ARPP21: variants seen among roughly 807,000 people sequenced by gnomAD.
ARPP21 encodes the protein cAMP regulated phosphoprotein 21, also known as cAMP-regulated phosphoprotein 21.
ARPP21 carries 69 observed loss-of-function variants against 113.2 expected under a neutral mutation model. That is an observed-to-expected ratio of 0.61 (90% confidence interval 0.50 to 0.74). The LOEUF is 0.74. Among genes scored for constraint, ARPP21 ranks in the 30% least tolerant of loss-of-function variants. The probability of loss-of-function intolerance (pLI) is 0.00; values close to 1 mark genes in which losing one functional copy is unlikely to be tolerated. For missense variants in ARPP21, 1,070 were observed against 1,037.4 expected, an observed-to-expected ratio of 1.03 and a Z score of -0.43; for synonymous variants, 368 against 375.5, an observed-to-expected ratio of 0.98 and a Z score of 0.23.
chr3:35,775,369 G>A (rs1260770553), intron 19 of ARPP21, among the ~76,000 whole-genome samples: 1 of 152,142 alleles, frequency 6.6e-6, no homozygotes, highest in Non-Finnish European at 1.5e-5. Flanking sequence ...CTTTCACTGT[G>A]TTTATAAAAA....
At chr3:35,676,435 A>G (rs1394376217) in intron 1 of ARPP21, among the ~76,000 whole-genome samples, 1 of 152,076 alleles carries the variant, frequency 6.6e-6, no homozygotes, top group East Asian at 1.9e-4. Flanking sequence ...GATGTTCATT[A>G]AAACATTTAT....
chr3:35,768,517 A>T (rs192401789), intron 19 of ARPP21, among the ~76,000 whole-genome samples: 5 of 152,326 alleles, frequency 3.3e-5, no homozygotes, highest in African/African-American at 1.2e-4. Flanking sequence ...CCGATATTTG[A>T]TTTATGATAG....
At chr3:35,665,960 T>C (rs1361377701) in intron 1 of ARPP21, among the ~76,000 whole-genome samples, 1 of 152,110 alleles carries the variant, frequency 6.6e-6, no homozygotes, top group Non-Finnish European at 1.5e-5. Context: ...AACACCCAGA[T>C]CATTGCTCAC....
rs1452243363 is a variant in ARPP21 at position 35,681,854 on chromosome 3, G to A, written c.103G>A (p.Asp35Asn). The change falls in exon 3 of 21, where the codon GAT becomes AAT. Residue 35 changes from aspartate (D) to asparagine (N), a missense_variant. Coordinates refer to ENST00000684406, the MANE Select transcript of ARPP21 (RefSeq NM_001385562.1). ...CGGCATTGTTAAATCAGAAAGTCTGGATGAAGAGGAGAAACTGGAACTGCA... is the reference window on the plus strand; with the variant it reads ...CGGCATTGTTAAATCAGAAAGTCTGAATGAAGAGGAGAAACTGGAACTGCA... Reference protein sequence around the residue: ...ENGIVKSESLDEEEKLELQRR... With the variant: ...ENGIVKSESLNEEEKLELQRR... 6.2e-7 allele frequency: 1 copy of A among 1,612,068 alleles called. No individual in the cohort carries two copies. The highest frequency in any genetic ancestry group is 8.5e-7 in the Non-Finnish European group (1 of 1,178,736).
At chr3:35,715,550 A>G in intron 12 of ARPP21, 74 bp downstream of exon 12, 4 of 1,161,258 alleles carry the variant, frequency 3.4e-6, no homozygotes, top group Non-Finnish European at 2.6e-6. Context: ...ATTCATAAAT[A>G]TATATCCCAT....
intron 9 of ARPP21, among the ~76,000 whole-genome samples, chr3:35,698,015 A>T (rs1221206551): frequency 2.6e-5 from 4 of 151,548 alleles, no homozygotes; most frequent in African/African-American, 9.7e-5. Context: ...AAACATGGTA[A>T]ATTTACTCTG....
At position 35,729,427 on chromosome 3, in the gene ARPP21, G is replaced by C. The variant is rs544552101; in HGVS notation, c.1350G>C (p.Glu450Asp). The C allele has an allele frequency of 5.9e-5, 96 of 1,614,138 alleles. No individual in the cohort carries two copies. In the Middle Eastern group the frequency reaches 1.3e-3, roughly 22 times the overall value. Residue 450 changes from glutamate (E) to aspartate (D), a missense_variant, in exon 15 of 21, where the codon GAG becomes GAC. By Grantham distance (45) the Glu-to-Asp change is conservative (BLOSUM62 2). Coordinates refer to ENST00000684406, the MANE Select transcript of ARPP21 (RefSeq NM_001385562.1). ...CTCCAGGCTGTGTGCCTTATCCAGAGAATGGAATAGGGGGCCAGGTTGCTC... is the reference window on the plus strand; with the variant it reads ...CTCCAGGCTGTGTGCCTTATCCAGACAATGGAATAGGGGGCCAGGTTGCTC... ...AGSPGCVPYP[E>D]NGIGGQVAPS... is the part of the protein sequence containing the mutation.
At position 35,667,150 on chromosome 3, in the gene ARPP21, C is replaced by T. The variant is rs561737881; in HGVS notation, c.-212-12637C>T. ...ACTCTTTAAGGGCTAGTCCTATTAT[C>T]CTACATTCTTTAATCAAAATACTGT... On this transcript the variant is annotated intron_variant, in intron 1 of 20. Transcript: ENST00000684406. Among the ~76,000 whole-genome samples, 5 of 152,282 alleles carry T rather than the reference C, an allele frequency of 3.3e-5. No individual in the cohort carries two copies. In the South Asian group the frequency reaches 1.0e-3, roughly 32 times the overall value.
intron 5 of ARPP21, chr3:35,685,483 C>T: frequency 1.0e-6 from 1 of 985,216 alleles, no homozygotes; most frequent in Non-Finnish European, 1.2e-6. Context: ...AGTTTATATG[C>T]AATGCCTTCA....
intron 14 of ARPP21, among the ~76,000 whole-genome samples, chr3:35,726,739 C>T (rs1337854908): frequency 6.6e-6 from 1 of 152,232 alleles, no homozygotes. Flanking sequence ...CACACTCATG[C>T]CATCACTGGC....
At chr3:35,731,764 G>T (rs1388221576) in intron 15 of ARPP21, among the ~76,000 whole-genome samples, 1 of 152,044 alleles carries the variant, frequency 6.6e-6, no homozygotes, top group Non-Finnish European at 1.5e-5. Flanking sequence ...TTCTGTCATT[G>T]CTGTGAATCT....
intron 6 of ARPP21, 71 bp from the exon 7 acceptor site, chr3:35,689,236 G>A (rs2081528040): frequency 3.8e-6 from 3 of 786,154 alleles, no homozygotes; most frequent in Admixed American, 1.8e-5. Flanking sequence ...AACAGGATAG[G>A]TTGGGGAAAC....
At chr3:35,720,903 AG>A (rs2092998494) in intron 13 of ARPP21, among the ~76,000 whole-genome samples, 1 of 152,122 alleles carries the variant, frequency 6.6e-6, no homozygotes, top group Non-Finnish European at 1.5e-5. Flanking sequence ...CCCCTTGGAA[AG>A]TTTTGTGTCA....
intron 19 of ARPP21, among the ~76,000 whole-genome samples, chr3:35,759,535 A>G (rs779330863): frequency 5.9e-5 from 9 of 152,084 alleles, no homozygotes; most frequent in Non-Finnish European, 1.2e-4. Flanking sequence ...AACTTTAGGA[A>G]TCTATGAGTT....
At chr3:35,750,657 G>A (rs1378340392) in intron 19 of ARPP21, among the ~76,000 whole-genome samples, 2 of 152,092 alleles carry the variant, frequency 1.3e-5, no homozygotes, top group African/African-American at 4.8e-5. Context: ...TTGCTGAGAG[G>A]TGGATATTCA....
intron 19 of ARPP21, among the ~76,000 whole-genome samples, chr3:35,788,168 A>G (rs557370097): frequency 1.6e-4 from 24 of 152,320 alleles, no homozygotes; most frequent in South Asian, 8.3e-4. Flanking sequence ...CAAAAATTGT[A>G]AAACTGCAGC....
chr3:35,698,866 C>CA (rs968402230), intron 9 of ARPP21, among the ~76,000 whole-genome samples: 4 of 150,774 alleles, frequency 2.7e-5, no homozygotes, highest in African/African-American at 7.3e-5. Flanking sequence ...AATATGATGC[C>CA]AAAAAAAAGT....
rs527612405 is a variant in ARPP21 at position 35,685,685 on chromosome 3, G to T, written c.261+1870G>T. The T allele has an allele frequency of 2.6e-4, 259 of 983,786 alleles. No homozygotes were observed. The African/African-American group carries it at 4.2e-3, about 16-fold the overall frequency. The allele number at this position is 983,786 out of a possible 1,614,324, so 60.9% of individuals were successfully genotyped here. A position where few individuals can be genotyped will look rare whatever the true frequency, so the allele number is the denominator to read the frequency against. ...CTTGATCTCAGACCCATACCTGATGGTTCAGTCTGTCCTTAAGTTAAAAGA... is the reference window on the plus strand; with the variant it reads ...CTTGATCTCAGACCCATACCTGATGTTTCAGTCTGTCCTTAAGTTAAAAGA... On this transcript the variant is annotated intron_variant, in intron 5 of 20. Transcript: ENST00000684406.
chr3:35,712,050 T>C (rs537046683), intron 11 of ARPP21, among the ~76,000 whole-genome samples: 2 of 152,300 alleles, frequency 1.3e-5, no homozygotes, highest in South Asian at 2.1e-4. Flanking sequence ...GTATCCTCTA[T>C]TGACACAAAC....
Sources: allele counts gnomAD v4.1 joint callset (sites outside exome capture counted in the v4.1 genomes callset), GRCh38; gene constraint gnomAD v4.1.1; transcripts MANE v1.5; gene names NCBI Gene and HGNC (gene_info 2026-07-23, HGNC 2026-07-21).